The following PDIA4 variants were observed in gnomAD, a reference collection of about 807,000 sequenced individuals.
PDIA4 encodes the protein protein disulfide-isomerase A4.
PDIA4 carries 33 observed loss-of-function variants against 62.1 expected under a neutral mutation model. That is an observed-to-expected ratio of 0.53 (90% CI 0.40 to 0.71). The LOEUF (loss-of-function observed/expected upper bound fraction) is 0.71. PDIA4 is among the 30% of genes least tolerant of loss of function. PDIA4 has a pLI of 0.00. For missense variants in PDIA4, 804 were observed against 813.6 expected (o/e 0.99, Z 0.14); for synonymous variants, 341 against 324.1 (o/e 1.05, Z -0.56).
chr7:149,013,959 G>A lies in PDIA4; in HGVS notation c.614+945C>T, dbSNP rs375449339. 1.2e-4 allele frequency among the ~76,000 whole-genome samples: 18 copies of A among 152,218 alleles called. No individual in the cohort carries two copies. In the East Asian group the frequency reaches 1.7e-3, roughly 15 times the overall value. ...ATCAGGCCAGGGCCCCATGCATAGCGAAACAAGGGTCTGTGTCTCTCCAGC... is the reference window on the plus strand; with the variant it reads ...ATCAGGCCAGGGCCCCATGCATAGCAAAACAAGGGTCTGTGTCTCTCCAGC... On this transcript the variant is annotated intron_variant, in intron 4 of 9. Transcript: ENST00000652332.
At chr7:149,026,594 T>C (rs1385605466) in intron 1 of PDIA4, among the ~76,000 whole-genome samples, 1 of 151,472 alleles carries the variant, frequency 6.6e-6, no homozygotes, top group Non-Finnish European at 1.5e-5. Flanking sequence ...GAGGTTGTGG[T>C]GAGCTGAGAT....
intron 1 of PDIA4, among the ~76,000 whole-genome samples, chr7:149,027,514 A>G (rs538323570): frequency 6.6e-6 from 1 of 152,382 alleles, no homozygotes; most frequent in East Asian, 1.9e-4. Context: ...AGAGAGGAAG[A>G]AGGTAAAGAC....
At position 149,024,152 on chromosome 7, in the gene PDIA4, C is replaced by G. The variant is rs574049503; in HGVS notation, c.89-3005G>C. Among the ~76,000 whole-genome samples, 6 of 152,214 alleles carry G rather than the reference C, an allele frequency of 3.9e-5. 1 individual carries two copies. In the South Asian group the frequency reaches 1.2e-3, roughly 32 times the overall value. On this transcript the variant is annotated intron_variant, in intron 1 of 9. Coordinates refer to ENST00000652332, the MANE Select transcript of PDIA4 (RefSeq NM_004911.5). The stretch of plus-strand genomic sequence containing the variant: ...ATCTTAGCTACTTGGGAGGCTGAGG[C>G]AGGAGAATTGCTTGAACCCAGGAAG...
rs558218424 is a variant in PDIA4, at chr7:149,005,012, G to C, written c.1522+129C>G. 8.3e-6 allele frequency: 6 copies of C among 726,486 alleles called. No individual in the cohort carries two copies. The Admixed American group carries it at 1.0e-4, about 12-fold the overall frequency. The allele number at this position is 726,486 out of a possible 1,614,324, so 45.0% of individuals were successfully genotyped here. On this transcript the variant is annotated intron_variant, in intron 9 of 9. Transcript: ENST00000652332. Reference sequence around the variant, plus strand: ...AAGTCAGAGTCCCTCGGGGGTGAGAGAGGACTGCTGGCTGACTTAAGGGGG... The same window carrying C: ...AAGTCAGAGTCCCTCGGGGGTGAGACAGGACTGCTGGCTGACTTAAGGGGG...
At chr7:149,016,377 A>C (rs1395856569) in intron 3 of PDIA4, among the ~76,000 whole-genome samples, 1 of 152,244 alleles carries the variant, frequency 6.6e-6, no homozygotes, top group Non-Finnish European at 1.5e-5. Context: ...CATATCTGTT[A>C]AATAAAAACA....
intron 1 of PDIA4, 75 bp downstream of exon 1, chr7:149,028,246 C>G: frequency 8.9e-7 from 1 of 1,119,142 alleles, no homozygotes; most frequent in Non-Finnish European, 1.2e-6. Flanking sequence ...CCGCCGGGGT[C>G]GCAGGGCCCA....
intron 1 of PDIA4, among the ~76,000 whole-genome samples, chr7:149,023,068 C>T (rs1331502455): frequency 1.3e-5 from 2 of 152,150 alleles, no homozygotes; most frequent in Non-Finnish European, 2.9e-5. Context: ...CTGCCTGCCA[C>T]CCCTCCCTCC....
At chr7:149,013,893 T>TA (rs1215553995) in intron 4 of PDIA4, among the ~76,000 whole-genome samples, 2 of 152,118 alleles carry the variant, frequency 1.3e-5, no homozygotes, top group Non-Finnish European at 2.9e-5. Flanking sequence ...ACCCACCAGT[T>TA]AGATGTGCAG....
intron 8 of PDIA4, 38 bp downstream of exon 8, chr7:149,005,859 A>AC (rs761024602): frequency 7.0e-7 from 1 of 1,429,936 alleles, no homozygotes; most frequent in South Asian, 1.5e-5. Context: ...GAGTCCCCCC[A>AC]CCCCCCACCC....
At chr7:149,013,071 T>C (rs1295349801) in intron 4 of PDIA4, among the ~76,000 whole-genome samples, 5 of 151,696 alleles carry the variant, frequency 3.3e-5, no homozygotes, top group Admixed American at 3.3e-4. Flanking sequence ...AACATGGCAA[T>C]ACCCCGTCTC....
At chr7:149,009,123 G>T (rs972271403) in intron 6 of PDIA4, among the ~76,000 whole-genome samples, 2 of 152,074 alleles carry the variant, frequency 1.3e-5, no homozygotes, top group Non-Finnish European at 2.9e-5. Flanking sequence ...TAGAGACAGG[G>T]TTTCACCATG....
intron 3 of PDIA4, 60 bp downstream of exon 3, chr7:149,018,932 C>T (rs1824243298): frequency 7.6e-7 from 1 of 1,321,720 alleles, no homozygotes; most frequent in Non-Finnish European, 1.1e-6. Flanking sequence ...CCTCTATTAG[C>T]CAAATTCCCA....
At position 149,003,726 on chromosome 7, in the gene PDIA4, C is replaced by T. The variant is rs115293595; in HGVS notation, c.*68G>A. The T allele has an allele frequency of 5.4e-4, 673 of 1,238,944 alleles. 4 individuals carry two copies. The African/African-American group carries it at 9.3e-3, about 17-fold the overall frequency. The allele number at this position is 1,238,944 out of a possible 1,614,324, so 76.7% of individuals were successfully genotyped here. A position where few individuals can be genotyped will look rare whatever the true frequency, so the allele number is the denominator to read the frequency against. ...TACTGTCGTTTGTTGCCGGCCTCGG[C>T]GTGGACGCCCCGACCATGGGCCACG... On this transcript the variant is annotated 3_prime_UTR_variant, in exon 10 of 10. Transcript: ENST00000652332.
At chr7:149,013,695 C>CA (rs906928715) in intron 4 of PDIA4, among the ~76,000 whole-genome samples, 24 of 151,494 alleles carry the variant, frequency 1.6e-4, no homozygotes, top group African/African-American at 4.6e-4. Context: ...GAAAACAAAA[C>CA]AAAAAAAACA....
In PDIA4 at chr7:149,004,079, G is replaced by A. The variant is rs756861815; in HGVS notation, c.1653C>T (p.Tyr551=). The A allele has an allele frequency of 9.3e-6, 15 of 1,614,078 alleles. No homozygotes were observed. Among genetic ancestry groups the A allele is most frequent in the South Asian group, 3.3e-5 (3 of 91,090 alleles). ...DPKKDVLIEF[Y]APWCGHCKQL... is the part of the protein sequence containing the mutation. ...GCTTGCAGTGCCCGCACCATGGCGC[G>A]TAGAACTCGATGAGGACGTCCTTCT... Residue 551 remains tyrosine (Y), a synonymous_variant, in exon 10 of 10, where the codon TAC becomes TAT. Transcript: ENST00000652332.
In PDIA4 at chr7:149,005,916, G is replaced by C; in HGVS notation, c.1269C>G (p.Phe423Leu). 2 of 1,518,606 alleles carry C rather than the reference G, an allele frequency of 1.3e-6. No homozygotes were observed. Among genetic ancestry groups the C allele is most frequent in the Middle Eastern group, 1.7e-4 (1 of 5,772 alleles). The allele number at this position is 1,518,606 out of a possible 1,614,324, so 94.1% of individuals were successfully genotyped here. A position where few individuals can be genotyped will look rare whatever the true frequency, so the allele number is the denominator to read the frequency against. Residue 423 changes from phenylalanine to leucine, a missense_variant, in exon 8 of 10, where the codon TTC (phenylalanine) becomes TTG (leucine). Coordinates refer to ENST00000652332, the MANE Select transcript of PDIA4 (RefSeq NM_004911.5). ...CCTCACCAGCTCTGTAATCAAAGCT[G>C]AAGTCCACACTGTAGTAGACGACCA... ...PLVVVYYSVD[F>L]SFDYRAATQF... is the part of the protein sequence containing the mutation.
chr7:149,010,443 G>A (rs553982664), intron 6 of PDIA4, among the ~76,000 whole-genome samples: 17 of 150,672 alleles, frequency 1.1e-4, no homozygotes, highest in African/African-American at 3.6e-4. Context: ...GCAGTGAGTC[G>A]AGATCACACC....
At position 149,019,124 on chromosome 7, in the gene PDIA4, T is replaced by C. The variant is rs1156697155; in HGVS notation, c.343A>G (p.Ile115Val). 5 of 1,613,850 alleles carry C rather than the reference T, an allele frequency of 3.1e-6. No individual in the cohort carries two copies. Among genetic ancestry groups the C allele is most frequent in the South Asian group, 1.1e-5 (1 of 91,064 alleles). ...ANILKDKDPP[I>V]PVAKIDATSA... Reference sequence around the variant, plus strand: ...GTTGCATCGATCTTGGCAACAGGAATGGGAGGATCTTTATCCTTTAATATG... The same window carrying C: ...GTTGCATCGATCTTGGCAACAGGAACGGGAGGATCTTTATCCTTTAATATG... The change falls in exon 3 of 10, where the codon ATT becomes GTT. Residue 115 changes from isoleucine (I) to valine (V), a missense_variant. Physicochemically the swap from Ile to Val is conservative, Grantham distance 29 (BLOSUM62 3). Coordinates refer to ENST00000652332, the MANE Select transcript of PDIA4 (RefSeq NM_004911.5).
chr7:149,028,367 C>G lies in PDIA4; in HGVS notation c.42G>C (p.Gly14=). ...RKAFLLLLLL[G]LVQLLAVAGA... ...CCGCCACGGCCAGCAGCTGCACCAG[C>G]CCCAAGAGCAGCAGGAGCAGGAAGG... Residue 14 remains glycine (G), a synonymous_variant, in exon 1 of 10, where the codon GGG becomes GGC. Coordinates refer to ENST00000652332, the MANE Select transcript of PDIA4 (RefSeq NM_004911.5). The G allele has an allele frequency of 7.2e-6, 11 of 1,526,784 alleles. No homozygotes were observed. The highest frequency in any genetic ancestry group is 3.7e-5 in the South Asian group (3 of 82,018). 94.6% of individuals were successfully genotyped at this position (1,526,784 alleles called of 1,614,324 possible).
Sources: gnomAD v4.1 joint callset for allele counts (sites outside exome capture counted in the v4.1 genomes callset) on GRCh38, gnomAD v4.1.1 for gene constraint, MANE v1.5 for transcripts, NCBI Gene and HGNC (gene_info 2026-07-23, HGNC 2026-07-21) for gene names.